BMP6: variants seen among roughly 807,000 people sequenced by gnomAD.
BMP6 encodes the protein bone morphogenetic protein 6, also known as VG-1-R.
In BMP6, 17 loss-of-function variants were observed where a neutral mutation model predicts 54.1. The observed-to-expected ratio is 0.31, with a 90% CI of 0.22 to 0.47. BMP6 has a LOEUF of 0.47. BMP6 is among the 20% of genes least tolerant of loss of function. The probability of loss-of-function intolerance (pLI) is 1.00; values close to 1 mark genes in which losing one functional copy is unlikely to be tolerated. For synonymous variants in BMP6, 328 were observed against 291.2 expected, an observed-to-expected ratio of 1.13 and a Z score of -1.28; for missense variants, 720 against 690.4, an observed-to-expected ratio of 1.04 and a Z score of -0.48.
chr6:7,796,927 G>A lies in BMP6; in HGVS notation c.665-48213G>A, dbSNP rs114276552. On this transcript the variant is annotated intron_variant, in intron 1 of 6. Coordinates refer to ENST00000283147, the MANE Select transcript of BMP6 (RefSeq NM_001718.6). ...TAATTCGTTCTGTTTCCCAGGTATC[G>A]GCACAATCATAGGCTCATAAACAGA... is the stretch of plus-strand genomic sequence containing the variant. Among the ~76,000 whole-genome samples, 595 of 152,154 alleles carry A rather than the reference G, an allele frequency of 3.9e-3. 5 individuals carry two copies. The highest frequency in any genetic ancestry group is 0.014 in the African/African-American group (567 of 41,512).
intron 1 of BMP6, among the ~76,000 whole-genome samples, chr6:7,767,254 A>G (rs1017246916): frequency 6.6e-6 from 1 of 152,168 alleles, no homozygotes; most frequent in African/African-American, 2.4e-5. Context: ...GATTACAAGC[A>G]TGAGTCACAG....
intron 1 of BMP6, among the ~76,000 whole-genome samples, chr6:7,731,836 G>A (rs1374322859): frequency 6.6e-6 from 1 of 152,106 alleles, no homozygotes; most frequent in Non-Finnish European, 1.5e-5. Context: ...ACATTTGAGA[G>A]TAGTAAAAAC....
intron 1 of BMP6, among the ~76,000 whole-genome samples, chr6:7,800,902 A>G (rs1758259138): frequency 8.6e-6 from 1 of 115,754 alleles, no homozygotes. Flanking sequence ...TCATAAAATA[A>G]AGCGGGGGGA....
At chr6:7,754,505 T>C (rs966774510) in intron 1 of BMP6, among the ~76,000 whole-genome samples, 4 of 152,210 alleles carry the variant, frequency 2.6e-5, no homozygotes, top group Non-Finnish European at 4.4e-5. Context: ...TTTTTTCAGT[T>C]CTGTCATTTA....
At chr6:7,788,763 C>G (rs1561771955) in intron 1 of BMP6, among the ~76,000 whole-genome samples, 4 of 151,980 alleles carry the variant, frequency 2.6e-5, no homozygotes, top group Non-Finnish European at 5.9e-5. Flanking sequence ...TTCAAATAAT[C>G]ATCTTGCTTC....
intron 1 of BMP6, 85 bp downstream of exon 1, chr6:7,727,704 G>C: frequency 5.1e-6 from 7 of 1,368,030 alleles, no homozygotes; most frequent in Non-Finnish European, 6.6e-6. Context: ...GGGGGTGGAG[G>C]AGCTCCCGGC....
intron 1 of BMP6, among the ~76,000 whole-genome samples, chr6:7,794,677 A>G (rs921564809): frequency 4.6e-5 from 7 of 152,188 alleles, no homozygotes; most frequent in Non-Finnish European, 8.8e-5. Context: ...ATACCTTACA[A>G]TAAATTTGCC....
chr6:7,841,066 T>C (rs901198449), intron 1 of BMP6, among the ~76,000 whole-genome samples: 3 of 152,236 alleles, frequency 2.0e-5, no homozygotes, highest in Admixed American at 2.0e-4. Flanking sequence ...TAACATTGAT[T>C]GGGTATTGAC....
chr6:7,777,050 G>C (rs1757871592), intron 1 of BMP6, among the ~76,000 whole-genome samples: 1 of 152,236 alleles, frequency 6.6e-6, no homozygotes. Flanking sequence ...TTGTGGTATA[G>C]AGCTGAGAAT....
At position 7,859,082 on chromosome 6, in the gene BMP6, C is replaced by T. The variant is rs114951831; in HGVS notation, c.858-2369C>T. Among the ~76,000 whole-genome samples the T allele has an allele frequency of 8.3e-3, 1,265 of 152,172 alleles. 22 individuals carry two copies. The highest frequency in any genetic ancestry group is 0.028 in the African/African-American group (1,181 of 41,512). On this transcript the variant is annotated intron_variant, in intron 2 of 6. Transcript: ENST00000283147. ...CCCCGTAGGTGCAATTGCTTCATGT[C>T]ATGATGGGTAATCCTCATCTTCCGC...
At chr6:7,771,540 T>C (rs1757786810) in intron 1 of BMP6, among the ~76,000 whole-genome samples, 1 of 152,144 alleles carries the variant, frequency 6.6e-6, no homozygotes, top group East Asian at 1.9e-4. Context: ...TACATAACGT[T>C]TTTCCTAGAT....
rs1758395131 is a variant in BMP6, at chr6:7,808,978, T to C, written c.665-36162T>C. Among the ~76,000 whole-genome samples, 2 of 150,810 alleles carry C rather than the reference T, an allele frequency of 1.3e-5. 1 individual carries two copies. Among genetic ancestry groups the C allele is most frequent in the South Asian group, 4.2e-4 (2 of 4,760 alleles). ...CCTACTCTGATCAGAGGCATCCGCT[T>C]CCCGTGAGCACTTCTGTGCCTTGAG... On this transcript the variant is annotated intron_variant, in intron 1 of 6. Coordinates refer to ENST00000283147, the MANE Select transcript of BMP6 (RefSeq NM_001718.6).
chr6:7,801,917 G>A (rs926641550), intron 1 of BMP6, among the ~76,000 whole-genome samples: 4 of 152,108 alleles, frequency 2.6e-5, no homozygotes, highest in African/African-American at 4.8e-5. Context: ...TGATGAATCC[G>A]GTCAGCTTGC....
chr6:7,771,189 A>C (rs1326476884), intron 1 of BMP6, among the ~76,000 whole-genome samples: 2 of 152,202 alleles, frequency 1.3e-5, no homozygotes, highest in Non-Finnish European at 2.9e-5. Context: ...AGAATAACAG[A>C]TATGTACCTG....
intron 1 of BMP6, among the ~76,000 whole-genome samples, chr6:7,812,613 G>A (rs1758451652): frequency 6.6e-6 from 1 of 151,974 alleles, no homozygotes; most frequent in Admixed American, 6.6e-5. Flanking sequence ...TAACCCTCTG[G>A]TATATTTGTT....
chr6:7,763,388 AT>A (rs755694106), intron 1 of BMP6, among the ~76,000 whole-genome samples: 1 of 152,222 alleles, frequency 6.6e-6, no homozygotes, highest in Non-Finnish European at 1.5e-5. Context: ...AGGCACTCTT[AT>A]GGGAATAAAA....
intron 1 of BMP6, among the ~76,000 whole-genome samples, chr6:7,737,298 G>T (rs1761969784): frequency 6.6e-6 from 1 of 152,258 alleles, no homozygotes; most frequent in African/African-American, 2.4e-5. Context: ...CTCTGTGGGA[G>T]GATAGGTGTT....
chr6:7,735,613 G>A (rs1229348934), intron 1 of BMP6, among the ~76,000 whole-genome samples: 1 of 151,978 alleles, frequency 6.6e-6, no homozygotes, highest in Non-Finnish European at 1.5e-5. Flanking sequence ...TCAGTTTGAG[G>A]TTCACAGCAA....
At chr6:7,875,442 C>G (rs767721240) in intron 4 of BMP6, among the ~76,000 whole-genome samples, 1 of 152,138 alleles carries the variant, frequency 6.6e-6, no homozygotes, top group Non-Finnish European at 1.5e-5. Flanking sequence ...CTTTGGGAGG[C>G]CAAGGCAGGA....
Sources: gnomAD v4.1 joint callset for allele counts (sites outside exome capture counted in the v4.1 genomes callset) on GRCh38, gnomAD v4.1.1 for gene constraint, MANE v1.5 for transcripts, NCBI Gene and HGNC (gene_info 2026-07-23, HGNC 2026-07-21) for gene names.